FSIP1: variants seen among roughly 807,000 people sequenced by gnomAD.
FSIP1 encodes the protein fibrous sheath interacting protein 1.
FSIP1 carries 65 observed loss-of-function variants against 60.9 expected under a neutral mutation model. The ratio of observed to expected loss-of-function variants is 1.07; its 90% CI spans 0.87 to 1.31. FSIP1 has a LOEUF of 1.31. Ranked by LOEUF, FSIP1 falls within the 40% of genes most tolerant of loss-of-function variation. The probability of loss-of-function intolerance (pLI) is 0.00; values close to 1 mark genes in which losing one functional copy is unlikely to be tolerated. For synonymous variants in FSIP1, 209 were observed against 221.2 expected, an observed-to-expected ratio of 0.94 and a Z score of 0.49; for missense variants, 675 against 665.5, an observed-to-expected ratio of 1.01 and a Z score of -0.16.
At chr15:39,749,169 C>T (rs540308711) in intron 5 of FSIP1, among the ~76,000 whole-genome samples, 178 of 148,426 alleles carry the variant, frequency 1.2e-3, no homozygotes, top group African/African-American at 4.2e-3. Flanking sequence ...TTAAAAACTT[C>T]CCCGCAAAGA....
At chr15:39,627,181 C>T (rs1458980138) in intron 10 of FSIP1, among the ~76,000 whole-genome samples, 1 of 152,184 alleles carries the variant, frequency 6.6e-6, no homozygotes, top group Non-Finnish European at 1.5e-5. Context: ...TTCAGATTAC[C>T]CATCATCCAG....
intron 10 of FSIP1, among the ~76,000 whole-genome samples, chr15:39,627,094 C>T (rs1364282375): frequency 6.6e-6 from 1 of 152,202 alleles, no homozygotes; most frequent in Non-Finnish European, 1.5e-5. Flanking sequence ...TCCTTACATG[C>T]CCAAGAAGTT....
At chr15:39,713,287 A>T (rs74008680) in intron 10 of FSIP1, among the ~76,000 whole-genome samples, 157 bp downstream of exon 10, 18,887 of 152,086 alleles carry the variant, frequency 0.12, 1,399 homozygotes, top group African/African-American at 0.2. Flanking sequence ...AGAGAGATGG[A>T]CGGGTGCGGT....
chr15:39,693,096 T>C (rs1894670792), intron 10 of FSIP1, among the ~76,000 whole-genome samples: 1 of 152,258 alleles, frequency 6.6e-6, no homozygotes, highest in Non-Finnish European at 1.5e-5. Flanking sequence ...GCCAAAGTGC[T>C]GACTAAGAAA....
chr15:39,726,636 G>A lies in FSIP1; in HGVS notation c.1003C>T (p.Pro335Ser), dbSNP rs780116589. The change falls in exon 9 of 12, where the codon CCT (proline) becomes TCT (serine). Residue 335 changes from proline (P) to serine (S), a missense_variant. Pro to Ser is a moderately conservative substitution (Grantham distance 74, BLOSUM62 -1). Coordinates refer to ENST00000350221, the MANE Select transcript of FSIP1 (RefSeq NM_152597.5). ...IKLQELSAAS[P>S]TISSFSPRLE... ...CTTGGAGAAAAACTGGAAATTGTAG[G>A]GGAGGCTGCAGAGAGTTCTTGGAGT... 1.1e-5 allele frequency: 18 copies of A among 1,613,960 alleles called. No homozygotes were observed. The highest frequency in any genetic ancestry group is 1.5e-5 in the Non-Finnish European group (18 of 1,180,018).
At chr15:39,755,958 TAA>T (rs1375003357) in intron 5 of FSIP1, among the ~76,000 whole-genome samples, 1 of 152,084 alleles carries the variant, frequency 6.6e-6, no homozygotes, top group Non-Finnish European at 1.5e-5. Flanking sequence ...CCTGGCGATG[TAA>T]AAGAGTTTTG....
intron 10 of FSIP1, among the ~76,000 whole-genome samples, chr15:39,650,419 T>A (rs1003224520): frequency 3.9e-5 from 6 of 152,350 alleles, no homozygotes; most frequent in Non-Finnish European, 7.3e-5. Context: ...TTTCTATACA[T>A]CTTTGTCCTT....
chr15:39,625,052 G>A (rs1891583179), intron 10 of FSIP1, among the ~76,000 whole-genome samples: 1 of 152,144 alleles, frequency 6.6e-6, no homozygotes, highest in African/African-American at 2.4e-5. Flanking sequence ...TTTTTATGTG[G>A]GGCCTGGCAT....
intron 10 of FSIP1, among the ~76,000 whole-genome samples, chr15:39,671,081 GACAT>G (rs1298893566): frequency 1.3e-5 from 2 of 152,142 alleles, no homozygotes; most frequent in Non-Finnish European, 2.9e-5. Flanking sequence ...TCATTTACAG[GACAT>G]ACTTCATTTG....
chr15:39,714,642 G>A (rs1346312028), intron 9 of FSIP1, among the ~76,000 whole-genome samples: 1 of 151,324 alleles, frequency 6.6e-6, no homozygotes, highest in Non-Finnish European at 1.5e-5. Context: ...AAAATCCGAA[G>A]GACCAGCCTC....
intron 5 of FSIP1, among the ~76,000 whole-genome samples, chr15:39,748,611 G>C (rs1182964305): frequency 6.6e-6 from 1 of 152,022 alleles, no homozygotes; most frequent in Admixed American, 6.6e-5. Flanking sequence ...TCCTACAATT[G>C]AGAACCTCTC....
At chr15:39,751,292 A>C (rs1429709896) in intron 5 of FSIP1, among the ~76,000 whole-genome samples, 1 of 151,846 alleles carries the variant, frequency 6.6e-6, no homozygotes, top group East Asian at 1.9e-4. Flanking sequence ...AAAGAAAATG[A>C]AATCACCACC....
intron 10 of FSIP1, among the ~76,000 whole-genome samples, chr15:39,673,597 T>C (rs1039032431): frequency 1.3e-5 from 2 of 152,222 alleles, no homozygotes; most frequent in African/African-American, 4.8e-5. Flanking sequence ...ATTACGAAGA[T>C]GAGCCATTGA....
At chr15:39,726,786 A>G (rs544675056) in intron 8 of FSIP1, 39 bp from the exon 9 acceptor site, 24 of 1,595,534 alleles carry the variant, frequency 1.5e-5, no homozygotes, top group African/African-American at 1.1e-4. Context: ...TTCTCAGGCT[A>G]TATTTTTGCC....
chr15:39,635,469 C>T (rs1014368865), intron 10 of FSIP1, among the ~76,000 whole-genome samples: 6 of 152,134 alleles, frequency 3.9e-5, no homozygotes, highest in Admixed American at 2.0e-4. Flanking sequence ...TCCCCAATTA[C>T]TCTAGTAAGT....
Position 39,758,805 on chromosome 15 carries a change from A to G in FSIP1, c.559+5016T>C, listed in dbSNP as rs58482061. Among the ~76,000 whole-genome samples the G allele has an allele frequency of 5.5e-3, 841 of 152,272 alleles. 10 individuals are homozygous for G. Among genetic ancestry groups the G allele is most frequent in the African/African-American group, 0.019 (791 of 41,574 alleles). ...CAATAAAATATATTACAAAGACACA[A>G]TAATCAAAATAGAGTGGTATTAACA... is the stretch of plus-strand genomic sequence containing the variant. On this transcript the variant is annotated intron_variant, in intron 5 of 11. Transcript: ENST00000350221.
At chr15:39,639,265 G>C (rs1216807732) in intron 10 of FSIP1, among the ~76,000 whole-genome samples, 4 of 152,074 alleles carry the variant, frequency 2.6e-5, no homozygotes. Flanking sequence ...AGAAATGACT[G>C]AGCACTGGAG....
intron 10 of FSIP1, among the ~76,000 whole-genome samples, chr15:39,654,444 C>T (rs1463043268): frequency 6.6e-6 from 1 of 152,164 alleles, no homozygotes. Context: ...GTCGTATATG[C>T]AGTACTTCAA....
rs1595519482 is a variant in FSIP1, at chr15:39,600,700, C to T, written c.*180G>A. On this transcript the variant is annotated 3_prime_UTR_variant, in exon 12 of 12. Transcript: ENST00000350221. ...ATTTTAATGAGCAAAAACCACTGAACAATTACACCCCAAGTCTCAAAAATA... is the reference window on the plus strand; with the variant it reads ...ATTTTAATGAGCAAAAACCACTGAATAATTACACCCCAAGTCTCAAAAATA... 1.8e-5 allele frequency: 9 copies of T among 513,626 alleles called. No individual in the cohort carries two copies. In the East Asian group the frequency reaches 3.1e-4, roughly 18 times the overall value. The allele number at this position is 513,626 out of a possible 1,614,324, so 31.8% of individuals were successfully genotyped here.
Sources: allele counts gnomAD v4.1 joint callset (sites outside exome capture counted in the v4.1 genomes callset), GRCh38; gene constraint gnomAD v4.1.1; transcripts MANE v1.5; gene names NCBI Gene and HGNC (gene_info 2026-07-23, HGNC 2026-07-21).